ZBTB34: variants seen among roughly 807,000 people sequenced by gnomAD.
ZBTB34 encodes the protein zinc finger and BTB domain containing 34.
ZBTB34 carries 1 observed loss-of-function variant against 33.4 expected under a neutral mutation model. The observed-to-expected ratio is 0.03, with a 90% confidence interval of 0.01 to 0.14. The LOEUF is 0.14. Among genes scored for constraint, ZBTB34 ranks in the 10% least tolerant of loss-of-function variants. The pLI, the probability that ZBTB34 is intolerant of heterozygous loss-of-function variation, is 1.00. For synonymous variants in ZBTB34, 283 were observed against 253.5 expected (o/e 1.12, Z -1.11); for missense variants, 406 against 657.2 (o/e 0.62, Z 4.18).
At chr9:126,870,169 G>T (rs984166665) in intron 1 of ZBTB34, among the ~76,000 whole-genome samples, 4 of 152,118 alleles carry the variant, frequency 2.6e-5, no homozygotes, top group Non-Finnish European at 5.9e-5. Context: ...TTAGTGAGTG[G>T]AATAATCAAA....
chr9:126,885,567 C>T (rs2033511217), exon 2 of ZBTB34: 1 of 167,100 alleles, frequency 6.0e-6, no homozygotes, highest in Non-Finnish European at 1.5e-5. Flanking sequence ...GTGTCATTAT[C>T]TTGCAATATA....
At chr9:126,876,157 TCCG>T (rs2033354182) in intron 1 of ZBTB34, among the ~76,000 whole-genome samples, 2 of 86,400 alleles carry the variant, frequency 2.3e-5, no homozygotes, top group Non-Finnish European at 4.5e-5. Flanking sequence ...TTTTTTCCCT[TCCG>T]TCCTTCCCCC....
intron 1 of ZBTB34, among the ~76,000 whole-genome samples, chr9:126,874,116 A>G (rs1265495234): frequency 7.8e-6 from 1 of 127,540 alleles, no homozygotes; most frequent in Non-Finnish European, 1.5e-5. Flanking sequence ...ATCTTGGCTC[A>G]CTGCAAGCTC....
At position 126,880,927 on chromosome 9, in the gene ZBTB34, G is replaced by A. The variant is rs776291084; in HGVS notation, c.*13G>A. The stretch of plus-strand genomic sequence containing the variant: ...TGCTCCCGATTAAGATGGTAAAGAA[G>A]TGCACCCAAACAAAGCACATTAATC... On this transcript the variant is annotated 3_prime_UTR_variant, in exon 2 of 2. Coordinates refer to ENST00000319119, the Ensembl canonical transcript of ZBTB34. This position sits in a 1 kb window ranked among gnomAD's most constrained non-coding sequence, Gnocchi z 6.7. 3 of 1,595,972 alleles carry A rather than the reference G, an allele frequency of 1.9e-6. No homozygotes were observed. Among genetic ancestry groups the A allele is most frequent in the Non-Finnish European group, 2.6e-6 (3 of 1,169,830 alleles).
exon 2 of ZBTB34, chr9:126,885,167 A>G (rs2033504161): frequency 6.0e-6 from 1 of 167,068 alleles, no homozygotes; most frequent in Admixed American, 6.5e-5. Flanking sequence ...TAAGTGCCAG[A>G]GTGTTCCCAC....
rs1434519088 is a variant in ZBTB34, at chr9:126,879,406, G to A, written c.7G>A (p.Val3Ile). The A allele has an allele frequency of 1.9e-6, 3 of 1,610,850 alleles. No individual in the cohort carries two copies. Among genetic ancestry groups the A allele is most frequent in the Non-Finnish European group, 2.5e-6 (3 of 1,178,098 alleles). ...TCTCCGCAGAGTACGCTTCATGTCA[G>A]TAGAAATGGACAGCAGCAGTTTTAT... The change falls in exon 2 of 2, where the codon GTA (valine) becomes ATA (isoleucine). Residue 3 changes from valine (V) to isoleucine (I), a missense_variant. Physicochemically the swap from Val to Ile is conservative, Grantham distance 29. Coordinates refer to ENST00000319119, the Ensembl canonical transcript of ZBTB34. This position sits in a 1 kb window ranked among gnomAD's most constrained non-coding sequence, Gnocchi z 6.4.
chr9:126,879,981 G>A lies in ZBTB34; in HGVS notation c.582G>A (p.Leu194=). ...TGGAGACGACCCCCAGCAAAGCTTT[G>A]CGCAGCCGCTTACAGGAGGAGGGGC... The change falls in exon 2 of 2, where the codon TTG becomes TTA. Residue 194 remains leucine, a synonymous_variant. Transcript: ENST00000319119. This position sits in a 1 kb window ranked among gnomAD's most constrained non-coding sequence, Gnocchi z 6.4. 1 of 1,613,442 alleles carries A rather than the reference G, an allele frequency of 6.2e-7. No homozygotes were observed. Among genetic ancestry groups the A allele is most frequent in the Non-Finnish European group, 8.5e-7 (1 of 1,179,900 alleles).
At position 126,880,218 on chromosome 9, in the gene ZBTB34, A is replaced by G; in HGVS notation, c.819A>G (p.Ala273=). ...TGGTTGATGGGGAACAAGTTGTGGC[A>G]GTGAATGTGGGCTCCTATGGTTCTG... is the stretch of plus-strand genomic sequence containing the variant. The change falls in exon 2 of 2, where the codon GCA becomes GCG. Residue 273 remains alanine (A), a synonymous_variant. Coordinates refer to ENST00000319119, the Ensembl canonical transcript of ZBTB34. This position sits in a 1 kb window ranked among gnomAD's most constrained non-coding sequence, Gnocchi z 6.7. The G allele has an allele frequency of 1.2e-6, 2 of 1,613,818 alleles. No individual in the cohort carries two copies. The highest frequency in any genetic ancestry group is 1.7e-6 in the Non-Finnish European group (2 of 1,179,888).
intron 1 of ZBTB34, among the ~76,000 whole-genome samples, chr9:126,861,192 G>A (rs962512610): frequency 6.6e-6 from 1 of 152,204 alleles, no homozygotes; most frequent in African/African-American, 2.4e-5. Context: ...GGCCCTTCGG[G>A]TGGCTGCCAC....
chr9:126,868,364 T>C (rs2033236461), intron 1 of ZBTB34, among the ~76,000 whole-genome samples: 1 of 152,202 alleles, frequency 6.6e-6, no homozygotes, highest in Non-Finnish European at 1.5e-5. Flanking sequence ...CATCCATGCC[T>C]GCTTATTTCC....
At chr9:126,885,231 GTTTCCTT>G (rs1456669998) in exon 2 of ZBTB34, 1 of 166,988 alleles carries the variant, frequency 6.0e-6, no homozygotes, top group African/African-American at 2.4e-5. Flanking sequence ...GCTTTCTCTG[GTTTCCTT>G]CCTGAGTCTG....
chr9:126,879,651 T>C lies in ZBTB34; in HGVS notation c.252T>C (p.Phe84=), dbSNP rs375751356. ...CAGTGATTAAAAATCCCAATGTGTT[T>C]GAGCAGTTGCTTTCTTTTTGTTACA... Residue 84 remains phenylalanine (F), a synonymous_variant, in exon 2 of 2, where the codon TTT becomes TTC. Coordinates refer to ENST00000319119, the Ensembl canonical transcript of ZBTB34. The surrounding 1 kb of genome is among the most constrained non-coding windows in gnomAD (Gnocchi z 6.4). The C allele has an allele frequency of 3.8e-5, 62 of 1,613,754 alleles. No individual in the cohort carries two copies. In the African/African-American group the frequency reaches 7.5e-4, roughly 19 times the overall value.
At chr9:126,878,982 C>T (rs2033399694) in intron 1 of ZBTB34, among the ~76,000 whole-genome samples, 1 of 152,070 alleles carries the variant, frequency 6.6e-6, no homozygotes, top group Non-Finnish European at 1.5e-5. Flanking sequence ...CCTCAGCCTC[C>T]CAAAGTGCTG....
intron 1 of ZBTB34, among the ~76,000 whole-genome samples, chr9:126,866,329 G>A (rs1322082161): frequency 6.6e-6 from 1 of 152,090 alleles, no homozygotes; most frequent in African/African-American, 2.4e-5. Context: ...CAGTCTCCAG[G>A]TGCTGCCGCC....
chr9:126,867,040 C>T (rs1361165682), intron 1 of ZBTB34, among the ~76,000 whole-genome samples: 2 of 151,938 alleles, frequency 1.3e-5, no homozygotes, highest in Non-Finnish European at 2.9e-5. Flanking sequence ...CATATCAAAG[C>T]ATACAGATCT....
In ZBTB34 at chr9:126,876,969, C is replaced by T. The variant is rs140232621; in HGVS notation, c.-10-2421C>T. 4.3e-3 allele frequency among the ~76,000 whole-genome samples: 656 copies of T among 152,212 alleles called. 5 individuals carry two copies. The highest frequency in any genetic ancestry group is 0.015 in the African/African-American group (614 of 41,550). ...TGTGAGAGCCTTAGATTTAGTTGCACGTTGTCTTGTCTTAAAATTTAAAAA... is the reference window on the plus strand; with the variant it reads ...TGTGAGAGCCTTAGATTTAGTTGCATGTTGTCTTGTCTTAAAATTTAAAAA... On this transcript the variant is annotated intron_variant, in intron 1 of 1. Coordinates refer to ENST00000319119, the Ensembl canonical transcript of ZBTB34.
intron 1 of ZBTB34, among the ~76,000 whole-genome samples, chr9:126,877,631 G>A (rs939447789): frequency 6.6e-6 from 1 of 152,230 alleles, no homozygotes; most frequent in African/African-American, 2.4e-5. Flanking sequence ...TGCCGCAGCT[G>A]TGAGCGCTAG....
At chr9:126,878,681 G>C (rs2033394087) in intron 1 of ZBTB34, among the ~76,000 whole-genome samples, 2 of 151,172 alleles carry the variant, frequency 1.3e-5, no homozygotes, top group East Asian at 3.9e-4. Context: ...AAATACACAA[G>C]TAAGGTAGAA....
At chr9:126,877,555 T>G (rs1225765930) in intron 1 of ZBTB34, among the ~76,000 whole-genome samples, 1 of 152,216 alleles carries the variant, frequency 6.6e-6, no homozygotes, top group Admixed American at 6.5e-5. Flanking sequence ...CTATATATAC[T>G]TAAGTAGTTC....
Sources: allele counts gnomAD v4.1 joint callset (sites outside exome capture counted in the v4.1 genomes callset), GRCh38; gene constraint gnomAD v4.1.1; non-coding constraint Gnocchi (gnomAD v3.1); transcripts MANE v1.5; gene names NCBI Gene and HGNC (gene_info 2026-07-23, HGNC 2026-07-21).